The following DHRSX variants were observed in gnomAD, a reference collection of about 807,000 sequenced individuals.
DHRSX encodes polyprenol dehydrogenase.
A neutral mutation model predicts 34.0 loss-of-function variants in DHRSX; 31 were observed. The observed-to-expected ratio is 0.91, with a 90% CI of 0.69 to 1.23. The LOEUF is 1.23. DHRSX is among the 50% of genes most tolerant of loss of function. The pLI is 0.00. For synonymous variants in DHRSX, 201 were observed against 183.8 expected, an observed-to-expected ratio of 1.09 and a Z score of -0.76; for missense variants, 414 against 428.1, an observed-to-expected ratio of 0.97 and a Z score of 0.29.
intron 5 of DHRSX, 22 bp from the exon 6 acceptor site, chrX:2,243,252 G>C: frequency 6.2e-7 from 1 of 1,609,262 alleles, no homozygotes; most frequent in Non-Finnish European, 8.5e-7. Context: ...GCAGGAGAAG[G>C]TGTAAGAGGC....
In DHRSX at chrX:2,220,683, T is replaced by G; in HGVS notation, c.*358A>C. ...CACCACTAGGTCTCAGAGAGGACAT[T>G]GCAGCCCCTGAAAAGAGAGCATCTC... On this transcript the variant is annotated 3_prime_UTR_variant, in exon 7 of 7. Coordinates refer to ENST00000334651, the MANE Select transcript of DHRSX (RefSeq NM_145177.3). 4.2e-6 allele frequency: 1 copy of G among 237,524 alleles called. No homozygotes were observed. Among genetic ancestry groups the G allele is most frequent in the South Asian group, 1.2e-4 (1 of 8,414 alleles). The allele number at this position is 237,524 out of a possible 1,614,324, so 14.7% of individuals were successfully genotyped here. A position where few individuals can be genotyped will look rare whatever the true frequency, so the allele number is the denominator to read the frequency against.
At chrX:2,438,181 A>G (rs1437196447) in intron 1 of DHRSX, among the ~76,000 whole-genome samples, 4 of 146,488 alleles carry the variant, frequency 2.7e-5, no homozygotes, top group South Asian at 2.2e-4. Flanking sequence ...CATCTCAGAA[A>G]AAAAAAAAAA....
chrX:2,451,756 G>A (rs1036932132), intron 1 of DHRSX, among the ~76,000 whole-genome samples: 5 of 152,196 alleles, frequency 3.3e-5, no homozygotes, highest in African/African-American at 1.2e-4. Flanking sequence ...AAAGGACACA[G>A]ACAGACACTG....
chrX:2,419,458 C>T (rs1338504930), intron 2 of DHRSX, among the ~76,000 whole-genome samples: 2 of 152,092 alleles, frequency 1.3e-5, no homozygotes, highest in African/African-American at 4.8e-5. Flanking sequence ...CCCAGCCATC[C>T]CATTACTGGG....
rs1472064429 is a variant in DHRSX at position 2,482,656 on chromosome X, A to C, written c.109+18161T>G. 3.3e-5 allele frequency among the ~76,000 whole-genome samples: 5 copies of C among 152,226 alleles called. No individual in the cohort carries two copies. In the East Asian group the frequency reaches 9.6e-4, roughly 29 times the overall value. On this transcript the variant is annotated intron_variant, in intron 1 of 6. Transcript: ENST00000334651. ...TGTAAGAAGCAAACCAACACCTTTT[A>C]AAACCTAAACATAATTCTTAGCTTG...
intron 6 of DHRSX, among the ~76,000 whole-genome samples, chrX:2,233,528 C>T (rs1280222721): frequency 1.3e-5 from 2 of 152,064 alleles, no homozygotes; most frequent in South Asian, 2.1e-4. Context: ...GCTGGGGAGA[C>T]GGTGCAGCAC....
intron 1 of DHRSX, among the ~76,000 whole-genome samples, chrX:2,464,159 C>A: frequency 6.6e-6 from 1 of 150,388 alleles, no homozygotes; most frequent in East Asian, 2.0e-4. Flanking sequence ...CCTAAGAATG[C>A]AGCGAAGAGA....
chrX:2,249,434 G>C (rs774002847), intron 5 of DHRSX, among the ~76,000 whole-genome samples: 45 of 144,474 alleles, frequency 3.1e-4, no homozygotes, highest in African/African-American at 1.1e-3. Context: ...TCCTGACCTC[G>C]TGATCTGCCC....
At chrX:2,232,070 T>C (rs1291252947) in intron 6 of DHRSX, among the ~76,000 whole-genome samples, 2 of 149,052 alleles carry the variant, frequency 1.3e-5, no homozygotes, top group Non-Finnish European at 3.0e-5. Flanking sequence ...TCTTCCTCCT[T>C]TTATTTTTTC....
chrX:2,337,971 AGAC>A (rs1321189992), intron 3 of DHRSX: 3 of 151,202 alleles, frequency 2.0e-5, no homozygotes, highest in African/African-American at 7.3e-5. Flanking sequence ...GTCAATGATA[AGAC>A]GACAAGTTCC....
chrX:2,257,206 G>A (rs148574029), intron 5 of DHRSX, among the ~76,000 whole-genome samples: 3,428 of 152,186 alleles, frequency 0.023, 145 homozygotes, highest in African/African-American at 0.079. Flanking sequence ...CACCTGCCTC[G>A]GCCTCCCGAA....
chrX:2,376,797 C>T (rs185217409), intron 3 of DHRSX, among the ~76,000 whole-genome samples: 2 of 152,194 alleles, frequency 1.3e-5, no homozygotes, highest in African/African-American at 4.8e-5. Context: ...AGACTGAGAC[C>T]ATCCTGCCCA....
chrX:2,500,499 G>C (rs756357375), intron 1 of DHRSX: 39 of 157,414 alleles, frequency 2.5e-4, no homozygotes, highest in Admixed American at 3.9e-4. Context: ...GGGGGCGGCT[G>C]CACGGGGGCT....
At chrX:2,435,135 C>T (rs376797395) in intron 1 of DHRSX, among the ~76,000 whole-genome samples, 7 of 151,570 alleles carry the variant, frequency 4.6e-5, no homozygotes, top group East Asian at 1.9e-4. Flanking sequence ...GGGTTCAGGA[C>T]GGGAGAGGAG....
intron 3 of DHRSX, among the ~76,000 whole-genome samples, chrX:2,331,943 T>C (rs1464541713): frequency 6.6e-5 from 10 of 152,054 alleles, no homozygotes; most frequent in African/African-American, 2.2e-4. Context: ...GCCAGCAACA[T>C]TGAGGCAAGA....
intron 4 of DHRSX, among the ~76,000 whole-genome samples, chrX:2,271,608 G>A (rs2041555934): frequency 1.3e-5 from 2 of 152,104 alleles, no homozygotes; most frequent in East Asian, 1.9e-4. Context: ...CAACTGGGAG[G>A]GATCCAATAT....
chrX:2,225,371 C>T (rs1177858858), intron 6 of DHRSX, among the ~76,000 whole-genome samples: 1 of 146,366 alleles, frequency 6.8e-6, no homozygotes, highest in Non-Finnish European at 1.5e-5. Context: ...CACACATGCT[C>T]ACACTCATTC....
At chrX:2,438,616 C>T (rs1191770254) in intron 1 of DHRSX, among the ~76,000 whole-genome samples, 1 of 149,326 alleles carries the variant, frequency 6.7e-6, no homozygotes, top group Non-Finnish European at 1.5e-5. Context: ...TGCGGTGAGC[C>T]GAGATCACGC....
At chrX:2,321,299 G>A (rs2042308337) in intron 3 of DHRSX, among the ~76,000 whole-genome samples, 1 of 152,120 alleles carries the variant, frequency 6.6e-6, no homozygotes, top group South Asian at 2.1e-4. Context: ...AATGTGTAAC[G>A]CAGTATTTAA....
Sources: gnomAD v4.1 joint callset for allele counts (sites outside exome capture counted in the v4.1 genomes callset) on GRCh38, gnomAD v4.1.1 for gene constraint, MANE v1.5 for transcripts, NCBI Gene and HGNC (gene_info 2026-07-23, HGNC 2026-07-21) for gene names.